Variants in POC5 observed in about 807,000 individuals in gnomAD.
The protein encoded by POC5 is POC5 centriolar protein, also known as centrosomal protein POC5.
In POC5, 48 loss-of-function variants were observed where a neutral mutation model predicts 62.9. The ratio of observed to expected loss-of-function variants is 0.76; its 90% CI spans 0.61 to 0.97. The LOEUF (loss-of-function observed/expected upper bound fraction) is 0.97, where lower values mean the gene tolerates loss of function less well. POC5 is among the 50% of genes least tolerant of loss of function. The pLI is 0.00. For missense variants in POC5, 696 were observed against 679.5 expected (o/e 1.02, Z -0.27); for synonymous variants, 236 against 228.2 (o/e 1.03, Z -0.31).
At chr5:75,678,054 CTG>C (rs1775740110) in intron 10 of POC5, 104 bp from the exon 11 acceptor site, 7 of 926,758 alleles carry the variant, frequency 7.6e-6, no homozygotes, top group Non-Finnish European at 7.3e-6. Flanking sequence ...CTTAAAATAA[CTG>C]TATGTTCAAC....
chr5:75,702,150 C>T (rs1427805619), intron 5 of POC5, among the ~76,000 whole-genome samples: 4 of 150,532 alleles, frequency 2.7e-5, no homozygotes, highest in Admixed American at 1.3e-4. Context: ...CATCACACAC[C>T]GGGGCCTGTC....
At chr5:75,680,203 C>T (rs913438635) in intron 10 of POC5, among the ~76,000 whole-genome samples, 3 of 152,054 alleles carry the variant, frequency 2.0e-5, no homozygotes, top group Non-Finnish European at 2.9e-5. Context: ...TATTCTTTGC[C>T]AAAATGTGGA....
At chr5:75,707,426 G>T in intron 3 of POC5, 1 of 203,632 alleles carries the variant, frequency 4.9e-6, no homozygotes. Flanking sequence ...GGTTAATCCT[G>T]GCATAAAACT....
At chr5:75,715,718 G>A (rs1777528806) in intron 1 of POC5, among the ~76,000 whole-genome samples, 1 of 152,154 alleles carries the variant, frequency 6.6e-6, no homozygotes, top group South Asian at 2.1e-4. Flanking sequence ...TTTCTAGAAA[G>A]AAGATCTTTC....
Position 75,674,578 on chromosome 5 carries a change from G to T in POC5, c.1585C>A (p.Gln529Lys). 6.2e-7 allele frequency: 1 copy of T among 1,613,472 alleles called. No homozygotes were observed. The highest frequency in any genetic ancestry group is 8.5e-7 in the Non-Finnish European group (1 of 1,179,690). ...GCTGCAGTTGCTTGAGGAATGGTTTGCTGAAAAGACAAAATTCTGCTTTAA... is the reference window on the plus strand; with the variant it reads ...GCTGCAGTTGCTTGAGGAATGGTTTTCTGAAAAGACAAAATTCTGCTTTAA... Reference protein sequence around the residue: ...VVEKHHPVTVQTIPQATAAKY... With the variant: ...VVEKHHPVTVKTIPQATAAKY... The change falls in exon 12 of 12, where the codon CAA (glutamine) becomes AAA (lysine). Residue 529 changes from glutamine to lysine, a missense_variant and splice_region_variant. Gln to Lys is a moderately conservative substitution (Grantham distance 53). Coordinates refer to ENST00000428202, the MANE Select transcript of POC5 (RefSeq NM_001099271.2).
At chr5:75,716,243 G>T (rs1269171679) in intron 1 of POC5, among the ~76,000 whole-genome samples, 2 of 152,018 alleles carry the variant, frequency 1.3e-5, no homozygotes, top group Non-Finnish European at 2.9e-5. Context: ...AGCCAATTAG[G>T]GAGGATAAAA....
intron 8 of POC5, among the ~76,000 whole-genome samples, chr5:75,689,918 C>T (rs116511410): frequency 0.033 from 5,015 of 152,178 alleles, 270 homozygotes; most frequent in African/African-American, 0.11. Flanking sequence ...TGGATTTCTG[C>T]TCTTGTTGCC....
intron 2 of POC5, among the ~76,000 whole-genome samples, chr5:75,711,515 T>C (rs1439931679): frequency 6.6e-6 from 1 of 152,242 alleles, no homozygotes; most frequent in Non-Finnish European, 1.5e-5. Context: ...ATGAGGGGCT[T>C]TTGTATTAAA....
intron 11 of POC5, among the ~76,000 whole-genome samples, chr5:75,676,998 G>T (rs1263436667): frequency 6.6e-6 from 1 of 152,010 alleles, no homozygotes; most frequent in Admixed American, 6.5e-5. Flanking sequence ...GTAACTTTCA[G>T]TAAGTTAAAT....
At chr5:75,709,075 C>T (rs2112203245) in intron 2 of POC5, among the ~76,000 whole-genome samples, 1 of 152,300 alleles carries the variant, frequency 6.6e-6, no homozygotes, top group African/African-American at 2.4e-5. Flanking sequence ...TCTTGATCCA[C>T]AGCCCTGGAC....
At chr5:75,706,569 CT>C (rs796946990) in intron 3 of POC5, among the ~76,000 whole-genome samples, 219 of 139,470 alleles carry the variant, frequency 1.6e-3, no homozygotes, top group Non-Finnish European at 1.9e-3. Context: ...AAAGTTTTTT[CT>C]TTTTTTTTTT....
chr5:75,680,187 C>A (rs750255380), intron 10 of POC5, among the ~76,000 whole-genome samples: 2 of 152,064 alleles, frequency 1.3e-5, no homozygotes, highest in Non-Finnish European at 2.9e-5. Context: ...TAATTGCTGG[C>A]AGGAATATTC....
At chr5:75,686,736 G>A (rs1375314246) in intron 9 of POC5, among the ~76,000 whole-genome samples, 1 of 152,040 alleles carries the variant, frequency 6.6e-6, no homozygotes, top group Non-Finnish European at 1.5e-5. Flanking sequence ...TAACTCTTAA[G>A]TTTAATAATT....
intron 1 of POC5, 62 bp from the exon 2 acceptor site, chr5:75,713,013 G>C: frequency 8.3e-7 from 1 of 1,212,086 alleles, no homozygotes; most frequent in Non-Finnish European, 1.2e-6. Context: ...ATCCTTTCCA[G>C]ATATATATAA....
intron 1 of POC5, 63 bp downstream of exon 1, chr5:75,717,243 T>A (rs1458159598): frequency 6.6e-6 from 1 of 152,182 alleles, no homozygotes; most frequent in East Asian, 1.9e-4. Context: ...ACTTTAAATC[T>A]CCCTCCACTA....
At chr5:75,714,609 G>A (rs765457277) in intron 1 of POC5, among the ~76,000 whole-genome samples, 4 of 152,152 alleles carry the variant, frequency 2.6e-5, no homozygotes, top group South Asian at 2.1e-4. Context: ...CCAGATCTCC[G>A]GTTTGGGTAA....
intron 4 of POC5, chr5:75,705,116 G>A (rs928660627): frequency 6.6e-6 from 1 of 152,248 alleles, no homozygotes; most frequent in Non-Finnish European, 1.5e-5. Flanking sequence ...TGAGGCAGGA[G>A]GATCACTTGA....
chr5:75,705,623 ATTCCTCTT>A, intron 4 of POC5, 73 bp downstream of exon 4: 1 of 788,972 alleles, frequency 1.3e-6, no homozygotes, highest in Admixed American at 3.4e-5. Context: ...TGCTGAAATT[ATTCCTCTT>A]ACTACATAGA....
intron 5 of POC5, among the ~76,000 whole-genome samples, chr5:75,697,801 G>A (rs1026331789): frequency 1.7e-4 from 25 of 150,806 alleles, no homozygotes; most frequent in African/African-American, 6.1e-4. Context: ...AGATCCATCA[G>A]TGTGCTGTAT....
Sources: gnomAD v4.1 joint callset for allele counts (sites outside exome capture counted in the v4.1 genomes callset) on GRCh38, gnomAD v4.1.1 for gene constraint, MANE v1.5 for transcripts, NCBI Gene and HGNC (gene_info 2026-07-23, HGNC 2026-07-21) for gene names.